The following MAGI2 variants were observed in gnomAD, a reference collection of about 807,000 sequenced individuals.
MAGI2 encodes membrane-associated guanylate kinase, WW and PDZ domain-containing protein 2.
MAGI2 carries 35 observed loss-of-function variants against 133.3 expected under a neutral mutation model. The observed-to-expected ratio is 0.26, with a 90% CI of 0.20 to 0.35. The LOEUF (loss-of-function observed/expected upper bound fraction) is 0.35, where lower values mean the gene tolerates loss of function less well. Among genes scored for constraint, MAGI2 ranks in the 10% least tolerant of loss-of-function variants. The pLI, the probability that MAGI2 is intolerant of heterozygous loss-of-function variation, is 1.00. For synonymous variants in MAGI2, 729 were observed against 710.6 expected, an observed-to-expected ratio of 1.03 and a Z score of -0.41; for missense variants, 1,636 against 1,863.4, an observed-to-expected ratio of 0.88 and a Z score of 2.25.
intron 2 of MAGI2, among the ~76,000 whole-genome samples, chr7:78,804,207 G>C (rs954534160): frequency 7.3e-6 from 1 of 136,174 alleles, no homozygotes; most frequent in African/African-American, 2.6e-5. Context: ...ACTGGAAATG[G>C]CTTCTGATTG....
At chr7:78,378,475 A>G (rs997399163) in intron 6 of MAGI2, among the ~76,000 whole-genome samples, 3 of 152,102 alleles carry the variant, frequency 2.0e-5, no homozygotes, top group Middle Eastern at 3.2e-3. Flanking sequence ...TTTAAAAGGT[A>G]GAGAAAACAT....
intron 3 of MAGI2, among the ~76,000 whole-genome samples, chr7:78,592,565 T>C (rs1804127328): frequency 6.6e-6 from 1 of 151,956 alleles, no homozygotes; most frequent in East Asian, 1.9e-4. Flanking sequence ...ACAATAAAGA[T>C]ACAACAAAGG....
intron 1 of MAGI2, chr7:79,412,738 C>T (rs1846225708): frequency 6.6e-6 from 1 of 152,046 alleles, no homozygotes; most frequent in Non-Finnish European, 1.5e-5. Flanking sequence ...AACACTTTAC[C>T]ACTCCAGGAC....
chr7:78,893,962 CA>C (rs1796995012), intron 2 of MAGI2, among the ~76,000 whole-genome samples: 1 of 152,058 alleles, frequency 6.6e-6, no homozygotes, highest in Admixed American at 6.5e-5. Context: ...AATGAAAGCT[CA>C]AAGTTTAAGT....
chr7:78,923,528 G>T (rs1799432002), intron 2 of MAGI2, among the ~76,000 whole-genome samples: 1 of 152,042 alleles, frequency 6.6e-6, no homozygotes, highest in South Asian at 2.1e-4. Flanking sequence ...ATTTCTGAGG[G>T]CTCTGTTCTG....
chr7:79,203,488 T>TC (rs760190062), intron 1 of MAGI2, among the ~76,000 whole-genome samples: 13 of 152,028 alleles, frequency 8.6e-5, no homozygotes, highest in Non-Finnish European at 1.9e-4. Flanking sequence ...TGTAGTAACC[T>TC]CATTAGAGAG....
intron 1 of MAGI2, among the ~76,000 whole-genome samples, chr7:79,336,127 C>A (rs903263854): frequency 6.6e-6 from 1 of 152,076 alleles, no homozygotes; most frequent in Non-Finnish European, 1.5e-5. Flanking sequence ...TAGCTAACAA[C>A]TATTGAGCAT....
At chr7:78,414,290 G>A (rs1583983125) in intron 6 of MAGI2, among the ~76,000 whole-genome samples, 1 of 149,800 alleles carries the variant, frequency 6.7e-6, no homozygotes, top group Non-Finnish European at 1.5e-5. Context: ...GTATAATATA[G>A]AAATATTTAT....
intron 7 of MAGI2, chr7:78,352,011 A>T (rs766852353): frequency 6.6e-6 from 1 of 152,154 alleles, no homozygotes; most frequent in African/African-American, 2.4e-5. Context: ...AGAATTTTTC[A>T]CCTGTAAAGT....
intron 1 of MAGI2, among the ~76,000 whole-genome samples, chr7:79,283,679 T>C (rs923928838): frequency 1.3e-4 from 20 of 152,260 alleles, no homozygotes; most frequent in Non-Finnish European, 2.8e-4. Flanking sequence ...TTCTTAAACA[T>C]ATACATAAAG....
At chr7:78,565,035 C>G (rs1003315471) in intron 3 of MAGI2, among the ~76,000 whole-genome samples, 2 of 151,826 alleles carry the variant, frequency 1.3e-5, no homozygotes, top group African/African-American at 4.8e-5. Context: ...CCTTGTGATC[C>G]GTCTGCCTCA....
At position 79,234,384 on chromosome 7, in the gene MAGI2, G is replaced by T. The variant is rs1831682881; in HGVS notation, c.301+218636C>A. ...AAGTTCTCCTGGACAATATCCTGCA[G>T]AGTGTTTTCCAACTTGGTTCCATTC... On this transcript the variant is annotated intron_variant, in intron 1 of 21. Transcript: ENST00000354212. 2.0e-5 allele frequency among the ~76,000 whole-genome samples: 3 copies of T among 152,092 alleles called. No individual in the cohort carries two copies. The South Asian group carries it at 6.2e-4, about 32-fold the overall frequency.
At position 78,559,916 on chromosome 7, in the gene MAGI2, T is replaced by C. The variant is rs116539503; in HGVS notation, c.539-38271A>G. ...CAACTTCAATATTGGAAAACAGTCC[T>C]ACAAGGAAGAAAATGAGAAAAGAAT... On this transcript the variant is annotated intron_variant, in intron 3 of 21. Coordinates refer to ENST00000354212, the MANE Select transcript of MAGI2 (RefSeq NM_012301.4). 4.7e-3 allele frequency among the ~76,000 whole-genome samples: 711 copies of C among 151,990 alleles called. 3 individuals carry two copies. The highest frequency in any genetic ancestry group is 0.016 in the African/African-American group (657 of 41,436).
chr7:78,186,721 C>G (rs1022501958), intron 12 of MAGI2, among the ~76,000 whole-genome samples: 3 of 152,060 alleles, frequency 2.0e-5, no homozygotes, highest in Admixed American at 6.6e-5. Context: ...CTTCAAGATC[C>G]TTTTTCGAAA....
chr7:78,957,257 TC>T (rs1429810611), intron 2 of MAGI2, among the ~76,000 whole-genome samples: 1 of 102,742 alleles, frequency 9.7e-6, no homozygotes, highest in Non-Finnish European at 1.8e-5. Context: ...AGAGTGAGAC[TC>T]CATCTCAAAA....
rs148711872 is a variant in MAGI2 at position 78,422,507 on chromosome 7, T to G, written c.1046-53294A>C. Among the ~76,000 whole-genome samples the G allele has an allele frequency of 1.7e-3, 260 of 152,126 alleles. 1 individual carries two copies. Among genetic ancestry groups the G allele is most frequent in the African/African-American group, 5.8e-3 (240 of 41,464 alleles). On this transcript the variant is annotated intron_variant, in intron 6 of 21. Transcript: ENST00000354212. ...CTGAGTTTCTTTTTACACATATCAATTGACTTCATTATTTTCTCTCTCCTT... is the reference window on the plus strand; with the variant it reads ...CTGAGTTTCTTTTTACACATATCAAGTGACTTCATTATTTTCTCTCTCCTT...
chr7:79,423,831 A>G (rs573088527), intron 1 of MAGI2, among the ~76,000 whole-genome samples: 1 of 152,260 alleles, frequency 6.6e-6, no homozygotes, highest in South Asian at 2.1e-4. Flanking sequence ...GGCTTTCAGT[A>G]ACTTGAGCCT....
At chr7:79,016,181 A>G (rs1169619604) in intron 1 of MAGI2, among the ~76,000 whole-genome samples, 1 of 152,014 alleles carries the variant, frequency 6.6e-6, no homozygotes, top group Non-Finnish European at 1.5e-5. Context: ...TTGGTGTGGG[A>G]GCATCTGGAG....
chr7:79,038,940 G>A (rs767115283), intron 1 of MAGI2, among the ~76,000 whole-genome samples: 2 of 152,162 alleles, frequency 1.3e-5, no homozygotes, highest in Non-Finnish European at 2.9e-5. Context: ...CATTTGCAAA[G>A]ATATAAACAA....
Sources: gnomAD v4.1 joint callset for allele counts (sites outside exome capture counted in the v4.1 genomes callset) on GRCh38, gnomAD v4.1.1 for gene constraint, MANE v1.5 for transcripts, NCBI Gene and HGNC (gene_info 2026-07-23, HGNC 2026-07-21) for gene names.